VSNL1: variants seen among roughly 807,000 people sequenced by gnomAD.
VSNL1 encodes visinin like 1.
Under a neutral mutation model 20.4 loss-of-function variants are expected in VSNL1, and 6 were observed. The observed-to-expected ratio is 0.29, with a 90% CI of 0.16 to 0.58. The LOEUF is 0.58. Ranked by LOEUF, VSNL1 falls within the 20% of genes least tolerant of loss-of-function variation. VSNL1 has a pLI of 0.90. For missense variants in VSNL1, 100 were observed against 234.5 expected, an observed-to-expected ratio of 0.43 and a Z score of 3.75; for synonymous variants, 93 against 86.4, an observed-to-expected ratio of 1.08 and a Z score of -0.42.
At chr2:17,599,358 G>T (rs1664778870) in intron 2 of VSNL1, among the ~76,000 whole-genome samples, 1 of 152,132 alleles carries the variant, frequency 6.6e-6, no homozygotes, top group Non-Finnish European at 1.5e-5. Context: ...CATTGACTAA[G>T]ACAATAAAAA....
intron 1 of VSNL1, among the ~76,000 whole-genome samples, chr2:17,563,590 C>T (rs373381498): frequency 3.3e-5 from 5 of 151,990 alleles, no homozygotes; most frequent in Non-Finnish European, 4.4e-5. Flanking sequence ...TTTAGCTGGG[C>T]GTGGTGGCAC....
At chr2:17,592,640 C>CTTTTTTTTTTTTTTTTTTTTTTTTTTTTT in intron 2 of VSNL1, among the ~76,000 whole-genome samples, 1 of 70,858 alleles carries the variant, frequency 1.4e-5, no homozygotes, top group African/African-American at 4.9e-5. Context: ...CTCTCTCTCT[C>CTTTTTTTTTTTTTTTTTTTTTTTTTTTTT]TTTTTTTTTT....
chr2:17,544,163 G>A (rs1031889351), intron 1 of VSNL1, among the ~76,000 whole-genome samples: 1 of 152,146 alleles, frequency 6.6e-6, no homozygotes, highest in Admixed American at 6.5e-5. Context: ...CTTGGAAGTT[G>A]TTGAAGCTTT....
At chr2:17,568,587 C>T (rs752128358) in intron 1 of VSNL1, among the ~76,000 whole-genome samples, 2 of 152,204 alleles carry the variant, frequency 1.3e-5, no homozygotes, top group Non-Finnish European at 2.9e-5. Context: ...TCATTCATGT[C>T]ATTGCATCCT....
chr2:17,585,690 C>T (rs1368933520), intron 1 of VSNL1, among the ~76,000 whole-genome samples: 1 of 152,132 alleles, frequency 6.6e-6, no homozygotes, highest in Non-Finnish European at 1.5e-5. Context: ...GAAAATTCAT[C>T]ACCTTCCTGA....
intron 1 of VSNL1, among the ~76,000 whole-genome samples, chr2:17,555,074 G>T (rs1247318315): frequency 2.0e-5 from 3 of 152,158 alleles, no homozygotes; most frequent in Non-Finnish European, 4.4e-5. Flanking sequence ...ACTACAGGCT[G>T]CATAGTGTCC....
chr2:17,577,615 C>A (rs1189996397), intron 1 of VSNL1, among the ~76,000 whole-genome samples: 1 of 152,140 alleles, frequency 6.6e-6, no homozygotes, highest in East Asian at 1.9e-4. Flanking sequence ...TAAACATTCC[C>A]TGTTCTTTCA....
At chr2:17,585,073 C>A (rs554612005) in intron 1 of VSNL1, among the ~76,000 whole-genome samples, 2 of 152,242 alleles carry the variant, frequency 1.3e-5, no homozygotes, top group African/African-American at 4.8e-5. Context: ...AATATGTTTG[C>A]CTTATCTTGA....
intron 1 of VSNL1, among the ~76,000 whole-genome samples, chr2:17,584,853 C>G (rs777476584): frequency 1.3e-5 from 2 of 152,110 alleles, no homozygotes; most frequent in Non-Finnish European, 2.9e-5. Flanking sequence ...TACTAACTCG[C>G]TATGTTTTCT....
intron 2 of VSNL1, among the ~76,000 whole-genome samples, chr2:17,599,216 G>A (rs62132133): frequency 0.054 from 8,162 of 152,230 alleles, 255 homozygotes; most frequent in East Asian, 0.09. Context: ...TTGTGATCAG[G>A]AACAGGAAAG....
At chr2:17,577,924 G>A (rs1242414260) in intron 1 of VSNL1, among the ~76,000 whole-genome samples, 1 of 152,012 alleles carries the variant, frequency 6.6e-6, no homozygotes, top group Admixed American at 6.5e-5. Flanking sequence ...CCATTTTCTT[G>A]TTGTGTAACC....
chr2:17,618,452 CTG>C (rs1558302154), intron 2 of VSNL1, among the ~76,000 whole-genome samples: 1 of 152,218 alleles, frequency 6.6e-6, no homozygotes, highest in Non-Finnish European at 1.5e-5. Context: ...TGTAAGGACT[CTG>C]TGATTACACT....
chr2:17,562,292 A>G (rs1321886705), intron 1 of VSNL1, among the ~76,000 whole-genome samples: 2 of 152,220 alleles, frequency 1.3e-5, no homozygotes, highest in Non-Finnish European at 2.9e-5. Flanking sequence ...AAGAAACCCT[A>G]TTCAGTTTCC....
At chr2:17,618,791 C>A (rs1665280316) in intron 2 of VSNL1, among the ~76,000 whole-genome samples, 1 of 152,206 alleles carries the variant, frequency 6.6e-6, no homozygotes, top group Non-Finnish European at 1.5e-5. Context: ...TAATTATCCA[C>A]ATTTACACAT....
At chr2:17,604,325 G>A (rs767819103) in intron 2 of VSNL1, among the ~76,000 whole-genome samples, 28 of 152,238 alleles carry the variant, frequency 1.8e-4, no homozygotes, top group Non-Finnish European at 3.4e-4. Context: ...CCTGCTCAGG[G>A]GCATGTTGGG....
In VSNL1 at chr2:17,633,524, GA is replaced by G. The variant is rs1181223020; in HGVS notation, c.163-15874del. 6.0e-3 allele frequency among the ~76,000 whole-genome samples: 843 copies of G among 139,582 alleles called. 2 individuals are homozygous for G. Among genetic ancestry groups the G allele is most frequent in the Admixed American group, 9.4e-3 (132 of 13,976 alleles). The allele number at this position is 139,582 out of a possible 152,430, so 91.6% of individuals were successfully genotyped here. On this transcript the variant is annotated intron_variant, in intron 2 of 3. Transcript: ENST00000295156. ...ACAGAGTGAGACTCTGTCTCAGAAA[GA>G]AAAAAAAAAAATTAAAAGTAAGAGC...
At chr2:17,574,490 T>C (rs955321670) in intron 1 of VSNL1, among the ~76,000 whole-genome samples, 5 of 151,858 alleles carry the variant, frequency 3.3e-5, no homozygotes, top group Non-Finnish European at 5.9e-5. Flanking sequence ...ATTCAGATTT[T>C]AGCTAATATT....
chr2:17,622,588 GAAAGAAAGAA>G (rs2103404337), intron 2 of VSNL1, among the ~76,000 whole-genome samples: 1 of 125,702 alleles, frequency 8.0e-6, no homozygotes, highest in South Asian at 2.6e-4. Flanking sequence ...AAGAAAGAAA[GAAAGAAAGAA>G]AGAAAAGAAA....
chr2:17,597,937 C>T (rs1385848893), intron 2 of VSNL1, among the ~76,000 whole-genome samples: 2 of 152,112 alleles, frequency 1.3e-5, no homozygotes, highest in African/African-American at 4.8e-5. Context: ...GAGAAATTTT[C>T]CAGGCCTAAG....
Sources: allele counts gnomAD v4.1 joint callset (sites outside exome capture counted in the v4.1 genomes callset), GRCh38; gene constraint gnomAD v4.1.1; transcripts MANE v1.5; gene names NCBI Gene and HGNC (gene_info 2026-07-23, HGNC 2026-07-21).